DRC1: variants seen among roughly 807,000 people sequenced by gnomAD.
DRC1 encodes dynein regulatory complex subunit 1, also known as dynein regulatory complex protein 1.
DRC1 carries 74 observed loss-of-function variants against 98.7 expected under a neutral mutation model. The ratio of observed to expected loss-of-function variants is 0.75; its 90% CI spans 0.62 to 0.91. The LOEUF (loss-of-function observed/expected upper bound fraction) is 0.91, where lower values mean the gene tolerates loss of function less well. Ranked by LOEUF, DRC1 falls within the 40% of genes least tolerant of loss-of-function variation. The pLI is 0.00. For missense variants in DRC1, 875 were observed against 886.0 expected, an observed-to-expected ratio of 0.99 and a Z score of 0.16; for synonymous variants, 336 against 334.1, an observed-to-expected ratio of 1.01 and a Z score of -0.06.
chr2:26,451,064 C>T lies in DRC1; in HGVS notation c.1689+383C>T, dbSNP rs529341531. Reference sequence around the variant, plus strand: ...CCCTGCATTTTCAATTGTCCCGAAGCCCCCAGAGCACAGTGCTGTCTTTGA... The same window carrying T: ...CCCTGCATTTTCAATTGTCCCGAAGTCCCCAGAGCACAGTGCTGTCTTTGA... On this transcript the variant is annotated intron_variant, in intron 13 of 16. Coordinates refer to ENST00000288710, the MANE Select transcript of DRC1 (RefSeq NM_145038.5). Among the ~76,000 whole-genome samples the T allele has an allele frequency of 3.3e-5, 5 of 152,290 alleles. No homozygotes were observed. In the East Asian group the frequency reaches 9.6e-4, roughly 29 times the overall value.
chr2:26,421,012 C>T (rs963400813), intron 2 of DRC1: 8 of 209,184 alleles, frequency 3.8e-5, no homozygotes, highest in Admixed American at 1.7e-4. Context: ...GCTCCACCCA[C>T]CTTGGCCTCC....
intron 4 of DRC1, among the ~76,000 whole-genome samples, chr2:26,428,139 A>G (rs554487781): frequency 6.6e-6 from 1 of 152,368 alleles, no homozygotes; most frequent in African/African-American, 2.4e-5. Context: ...TCATCTGTGA[A>G]CAAAGATAAT....
chr2:26,434,758 G>C (rs1349741039), intron 7 of DRC1, among the ~76,000 whole-genome samples: 1 of 152,150 alleles, frequency 6.6e-6, no homozygotes, highest in East Asian at 1.9e-4. Context: ...GGGTGTGGTG[G>C]CGGGCGCCTG....
chr2:26,436,470 C>G (rs1172574117), intron 7 of DRC1, among the ~76,000 whole-genome samples: 1 of 151,210 alleles, frequency 6.6e-6, no homozygotes, highest in Non-Finnish European at 1.5e-5. Context: ...TGCCACCATG[C>G]CTGGCTAATT....
Position 26,439,934 on chromosome 2 carries a change from T to TATATATATATATATATAC in DRC1, c.889-441_889-440insTATATATATATATACATA, listed in dbSNP as rs1017038187. ...CAACTAGTGTGTGAATATATATATATATACACACACACATACACACACACA... is the reference window on the plus strand; with the variant it reads ...CAACTAGTGTGTGAATATATATATATATATATATATATATATACATACACACACACATACACACACACA... On this transcript the variant is annotated intron_variant, in intron 7 of 16. Coordinates refer to ENST00000288710, the MANE Select transcript of DRC1 (RefSeq NM_145038.5). Among the ~76,000 whole-genome samples the TATATATATATATATATAC allele has an allele frequency of 6.1e-4, 68 of 111,678 alleles. 4 individuals carry two copies. Among genetic ancestry groups the TATATATATATATATATAC allele is most frequent in the African/African-American group, 2.4e-3 (59 of 24,472 alleles). 73.3% of individuals were successfully genotyped at this position (111,678 alleles called of 152,430 possible). A position where few individuals can be genotyped will look rare whatever the true frequency, so the allele number is the denominator to read the frequency against.
intron 10 of DRC1, 164 bp from the exon 11 acceptor site, chr2:26,448,527 G>A (rs372699791): frequency 5.3e-5 from 42 of 789,570 alleles, no homozygotes; most frequent in African/African-American, 4.1e-4. Context: ...TTCCCGCCAC[G>A]TAATAGGCTT....
chr2:26,407,809 A>G (rs1388576375), intron 1 of DRC1, among the ~76,000 whole-genome samples: 2 of 152,082 alleles, frequency 1.3e-5, no homozygotes, highest in African/African-American at 4.8e-5. Flanking sequence ...ACCTTTTTGC[A>G]TTTATGACCC....
intron 4 of DRC1, 34 bp from the exon 5 acceptor site, chr2:26,429,594 G>A: frequency 6.2e-7 from 1 of 1,609,660 alleles, no homozygotes; most frequent in African/African-American, 1.3e-5. Flanking sequence ...TCCTGACACA[G>A]TTTGTGGCCA....
chr2:26,447,004 C>T (rs186416117), intron 10 of DRC1, among the ~76,000 whole-genome samples: 8 of 151,946 alleles, frequency 5.3e-5, no homozygotes, highest in African/African-American at 1.7e-4. Context: ...GCAGGAGAAT[C>T]GCTTGAACCC....
intron 8 of DRC1, among the ~76,000 whole-genome samples, chr2:26,442,728 G>A (rs1248271921): frequency 1.3e-5 from 2 of 152,146 alleles, no homozygotes; most frequent in Non-Finnish European, 1.5e-5. Flanking sequence ...CCAGGGCACA[G>A]TTTCTGAAAC....
At chr2:26,444,675 C>T (rs753433243) in intron 9 of DRC1, 41 bp from the exon 10 acceptor site, 2 of 1,584,294 alleles carry the variant, frequency 1.3e-6, no homozygotes, top group Admixed American at 3.4e-5. Flanking sequence ...CTGGCCAGGT[C>T]CTGGGGCCAG....
chr2:26,431,679 A>G (rs1663439557), intron 6 of DRC1, among the ~76,000 whole-genome samples: 1 of 151,586 alleles, frequency 6.6e-6, no homozygotes, highest in Non-Finnish European at 1.5e-5. Flanking sequence ...TTCCTCTTAG[A>G]GTTTCTGGAG....
intron 1 of DRC1, among the ~76,000 whole-genome samples, chr2:26,403,434 C>G (rs759712037): frequency 6.6e-6 from 1 of 152,134 alleles, no homozygotes; most frequent in African/African-American, 2.4e-5. Context: ...CTTATTCATC[C>G]TAGTCTTTTT....
chr2:26,424,481 G>A (rs1572363847), intron 4 of DRC1, 27 bp downstream of exon 4: 4 of 1,585,222 alleles, frequency 2.5e-6, no homozygotes, highest in Non-Finnish European at 3.4e-6. Flanking sequence ...CTCCAGCCCA[G>A]CCACAGGGGA....
Position 26,448,793 on chromosome 2 carries a change from G to T in DRC1, c.1499G>T (p.Cys500Phe). The T allele has an allele frequency of 6.2e-7, 1 of 1,614,188 alleles. No homozygotes were observed. Among genetic ancestry groups the T allele is most frequent in the Non-Finnish European group, 8.5e-7 (1 of 1,180,048 alleles). ...ACCAAGAGGATCCTGATGCTCCTGT[G>T]TGACGAGTCGGTGAGGCCAGGCGGG... Reference protein sequence around the residue: ...KTTKRILMLLCDESGFLIESK... With the variant: ...KTTKRILMLLFDESGFLIESK... Residue 500 changes from cysteine to phenylalanine, a missense_variant, in exon 11 of 17, where the codon TGT becomes TTT. By Grantham distance (205) the Cys-to-Phe change is radical. Transcript: ENST00000288710.
intron 1 of DRC1, among the ~76,000 whole-genome samples, chr2:26,405,209 T>C (rs1467423848): frequency 6.6e-6 from 1 of 152,204 alleles, no homozygotes; most frequent in Non-Finnish European, 1.5e-5. Flanking sequence ...TGAGCACCTA[T>C]GAGTTGTATT....
chr2:26,439,188 T>C (rs1663649561), intron 7 of DRC1, among the ~76,000 whole-genome samples: 1 of 152,074 alleles, frequency 6.6e-6, no homozygotes, highest in Admixed American at 6.5e-5. Flanking sequence ...TCATATATGC[T>C]ATTTCCTCTC....
chr2:26,412,819 C>T (rs1053385419), intron 1 of DRC1, among the ~76,000 whole-genome samples: 8 of 152,152 alleles, frequency 5.3e-5, no homozygotes, highest in Non-Finnish European at 8.8e-5. Context: ...GCTCTCCCGC[C>T]CAGGCTGGAG....
chr2:26,446,037 C>T (rs1403750821), intron 10 of DRC1, among the ~76,000 whole-genome samples: 2 of 151,782 alleles, frequency 1.3e-5, no homozygotes, highest in African/African-American at 4.8e-5. Context: ...ACTTTTCCTG[C>T]CTCTTGTCTG....
Sources: gnomAD v4.1 joint callset for allele counts (sites outside exome capture counted in the v4.1 genomes callset) on GRCh38, gnomAD v4.1.1 for gene constraint, MANE v1.5 for transcripts, NCBI Gene and HGNC (gene_info 2026-07-23, HGNC 2026-07-21) for gene names.